The following KCTD8 variants were observed in gnomAD, a reference collection of about 807,000 sequenced individuals.
KCTD8 encodes the protein BTB/POZ domain-containing protein KCTD8.
Under a neutral mutation model 31.5 loss-of-function variants are expected in KCTD8, and 27 were observed. The ratio of observed to expected loss-of-function variants is 0.86; its 90% CI spans 0.63 to 1.18. KCTD8 has a LOEUF of 1.18. Ranked by LOEUF, KCTD8 falls within the 50% of genes most tolerant of loss-of-function variation. KCTD8 has a pLI of 0.00. For synonymous variants in KCTD8, 290 were observed against 280.0 expected (o/e 1.04, Z -0.36); for missense variants, 658 against 647.7 (o/e 1.02, Z -0.17).
chr4:44,216,980 A>G (rs574643163), intron 1 of KCTD8, among the ~76,000 whole-genome samples: 4 of 152,330 alleles, frequency 2.6e-5, no homozygotes, highest in Non-Finnish European at 5.9e-5. Context: ...GCTAAATGCA[A>G]ACATGCACCT....
chr4:44,287,669 A>G (rs1424537265), intron 1 of KCTD8, among the ~76,000 whole-genome samples: 1 of 152,188 alleles, frequency 6.6e-6, no homozygotes, highest in African/African-American at 2.4e-5. Flanking sequence ...CACCTAATCT[A>G]AGATAAACAA....
intron 1 of KCTD8, among the ~76,000 whole-genome samples, chr4:44,184,651 T>C (rs67208443): frequency 0.12 from 18,135 of 152,238 alleles, 1,432 homozygotes; most frequent in East Asian, 0.36. Context: ...TCATGGTGCC[T>C]TCATCAGAAT....
chr4:44,181,505 C>A lies in KCTD8; in HGVS notation c.962-6255G>T, dbSNP rs527639955. ...GCGAGTGATCTGCCAGCCTCGGCCC[C>A]CCGAGGCGCCGGGATTGCAGACGGA... is the stretch of plus-strand genomic sequence containing the variant. On this transcript the variant is annotated intron_variant, in intron 1 of 1. Coordinates refer to ENST00000360029, the MANE Select transcript of KCTD8 (RefSeq NM_198353.3). Among the ~76,000 whole-genome samples, 3 of 152,332 alleles carry A rather than the reference C, an allele frequency of 2.0e-5. No homozygotes were observed. In the East Asian group the frequency reaches 5.8e-4, roughly 30 times the overall value.
chr4:44,376,507 A>C (rs958764883), intron 1 of KCTD8, among the ~76,000 whole-genome samples: 1 of 152,172 alleles, frequency 6.6e-6, no homozygotes, highest in Non-Finnish European at 1.5e-5. Flanking sequence ...CTTTAGCCTT[A>C]ATGACCCATG....
In KCTD8 at chr4:44,448,138, C is replaced by A. The variant is rs777815401; in HGVS notation, c.386G>T (p.Arg129Leu). 3 of 1,612,708 alleles carry A rather than the reference C, an allele frequency of 1.9e-6. No homozygotes were observed. The highest frequency in any genetic ancestry group is 2.5e-6 in the Non-Finnish European group (3 of 1,179,856). The part of the protein sequence containing the change: ...ALPEHFPEKE[R>L]LLREAEYFQL... ...GAAATACTCGGCCTCGCGCAGCAGC[C>A]GCTCCTTCTCGGGGAAGTGCTCCGG... The change falls in exon 1 of 2, where the codon CGG becomes CTG. Residue 129 changes from arginine to leucine, a missense_variant. Transcript: ENST00000360029. The surrounding 1 kb of genome is among the most constrained non-coding windows in gnomAD (Gnocchi z 4.1).
chr4:44,351,552 T>C (rs935488546), intron 1 of KCTD8, among the ~76,000 whole-genome samples: 11 of 152,142 alleles, frequency 7.2e-5, no homozygotes, highest in South Asian at 2.1e-4. Flanking sequence ...GTTTCAAGAA[T>C]GTCTACAAAT....
chr4:44,176,517 G>A (rs1713219681), intron 1 of KCTD8, among the ~76,000 whole-genome samples: 1 of 152,172 alleles, frequency 6.6e-6, no homozygotes, highest in South Asian at 2.1e-4. Flanking sequence ...ATATTACTCA[G>A]AAGGATTAAG....
At chr4:44,271,365 C>A (rs978384707) in intron 1 of KCTD8, among the ~76,000 whole-genome samples, 1 of 152,050 alleles carries the variant, frequency 6.6e-6, no homozygotes, top group Non-Finnish European at 1.5e-5. Context: ...CTAATAATTA[C>A]TTCATTATGA....
chr4:44,433,979 T>G (rs1456950795), intron 1 of KCTD8, among the ~76,000 whole-genome samples: 1 of 151,920 alleles, frequency 6.6e-6, no homozygotes, highest in African/African-American at 2.4e-5. Context: ...TTTTTGAAAA[T>G]GCACATTCTG....
intron 1 of KCTD8, among the ~76,000 whole-genome samples, chr4:44,328,710 A>G (rs1418743009): frequency 6.6e-6 from 1 of 151,956 alleles, no homozygotes; most frequent in Non-Finnish European, 1.5e-5. Flanking sequence ...CAAATAATAA[A>G]TGTGGCTGAA....
intron 1 of KCTD8, among the ~76,000 whole-genome samples, chr4:44,396,837 A>C (rs1475059207): frequency 2.6e-5 from 4 of 152,148 alleles, no homozygotes; most frequent in African/African-American, 9.7e-5. Context: ...GAGCTTCTAA[A>C]AAGAAAAGAA....
At chr4:44,367,531 A>G (rs1222914057) in intron 1 of KCTD8, among the ~76,000 whole-genome samples, 2 of 152,226 alleles carry the variant, frequency 1.3e-5, no homozygotes, top group African/African-American at 4.8e-5. Flanking sequence ...AAGTACTTTC[A>G]AATACCAGAA....
At chr4:44,385,648 C>A (rs1461963143) in intron 1 of KCTD8, among the ~76,000 whole-genome samples, 1 of 151,518 alleles carries the variant, frequency 6.6e-6, no homozygotes, top group Non-Finnish European at 1.5e-5. Flanking sequence ...ATAATGATTT[C>A]ATGGATGTGG....
chr4:44,364,834 G>C (rs1216768214), intron 1 of KCTD8, among the ~76,000 whole-genome samples: 1 of 151,644 alleles, frequency 6.6e-6, no homozygotes, highest in Admixed American at 6.6e-5. Flanking sequence ...CCAAATATAT[G>C]ACATTCTGGG....
intron 1 of KCTD8, among the ~76,000 whole-genome samples, chr4:44,326,152 A>G (rs1391838612): frequency 6.6e-6 from 1 of 151,888 alleles, no homozygotes; most frequent in Non-Finnish European, 1.5e-5. Flanking sequence ...CATGGAATAG[A>G]TCAATGAATC....
intron 1 of KCTD8, among the ~76,000 whole-genome samples, chr4:44,317,391 CA>C (rs1320664344): frequency 6.9e-6 from 1 of 144,076 alleles, no homozygotes; most frequent in Non-Finnish European, 1.5e-5. Flanking sequence ...AGGCGCCCGC[CA>C]CCGCACCCGG....
chr4:44,433,319 C>T (rs1046831243), intron 1 of KCTD8, among the ~76,000 whole-genome samples: 4 of 151,738 alleles, frequency 2.6e-5, no homozygotes, highest in Non-Finnish European at 5.9e-5. Flanking sequence ...TCTAATCAGA[C>T]TCCCATGAAT....
At chr4:44,189,925 A>C (rs954717915) in intron 1 of KCTD8, among the ~76,000 whole-genome samples, 1 of 152,074 alleles carries the variant, frequency 6.6e-6, no homozygotes, top group Admixed American at 6.6e-5. Context: ...TCGCTATTCC[A>C]ATTTCTACCC....
intron 1 of KCTD8, among the ~76,000 whole-genome samples, chr4:44,335,946 T>G (rs3113533): frequency 6.6e-6 from 1 of 151,120 alleles, no homozygotes; most frequent in South Asian, 2.1e-4. Flanking sequence ...GTCAGGAGAT[T>G]GAGACCATCC....
Sources: gnomAD v4.1 joint callset for allele counts (sites outside exome capture counted in the v4.1 genomes callset) on GRCh38, gnomAD v4.1.1 for gene constraint, Gnocchi (gnomAD v3.1) non-coding constraint, MANE v1.5 for transcripts, NCBI Gene and HGNC (gene_info 2026-07-23, HGNC 2026-07-21) for gene names.